PCED1B: variants seen among roughly 807,000 people sequenced by gnomAD.
PCED1B encodes PC-esterase domain containing 1B.
For missense variants in PCED1B, 573 were observed against 573.9 expected (o/e 1.00, Z 0.02); for synonymous variants, 251 against 246.1 (o/e 1.02, Z -0.19).
intron 2 of PCED1B, among the ~76,000 whole-genome samples, chr12:47,166,351 T>C (rs578250935): frequency 1.3e-5 from 2 of 152,216 alleles, no homozygotes; most frequent in Non-Finnish European, 2.9e-5. Flanking sequence ...CCCAGTAGCC[T>C]CTATATGGAT....
At chr12:47,153,730 C>A (rs1941089882) in intron 2 of PCED1B, among the ~76,000 whole-genome samples, 1 of 152,162 alleles carries the variant, frequency 6.6e-6, no homozygotes, top group Non-Finnish European at 1.5e-5. Context: ...CAGTTTTATT[C>A]TATTCTTTCC....
chr12:47,183,018 T>C (rs1453493307), intron 2 of PCED1B, among the ~76,000 whole-genome samples: 1 of 152,158 alleles, frequency 6.6e-6, no homozygotes, highest in African/African-American at 2.4e-5. Context: ...GTCTCTCTTT[T>C]TTTTTTTGGC....
At chr12:47,211,192 T>C (rs946451825) in intron 2 of PCED1B, among the ~76,000 whole-genome samples, 3 of 152,186 alleles carry the variant, frequency 2.0e-5, no homozygotes, top group African/African-American at 7.2e-5. Flanking sequence ...CCCTGCACTG[T>C]GAGCTACAGA....
intron 3 of PCED1B, among the ~76,000 whole-genome samples, chr12:47,232,903 AATTTT>A (rs1268847809): frequency 2.9e-5 from 4 of 138,576 alleles, no homozygotes. Context: ...CAGACCTAGA[AATTTT>A]ATTTATTTAT....
At chr12:47,175,686 G>T (rs1290623989) in intron 2 of PCED1B, among the ~76,000 whole-genome samples, 1 of 151,752 alleles carries the variant, frequency 6.6e-6, no homozygotes, top group Non-Finnish European at 1.5e-5. Flanking sequence ...CAATTCTCCT[G>T]CCTCAGCCTC....
At chr12:47,234,316 G>GT (rs1943904684) in intron 3 of PCED1B, among the ~76,000 whole-genome samples, 1 of 152,086 alleles carries the variant, frequency 6.6e-6, no homozygotes. Flanking sequence ...GCTAGCACAG[G>GT]TACTCTTTCT....
chr12:47,215,950 G>C (rs1943246324), intron 2 of PCED1B, among the ~76,000 whole-genome samples: 1 of 152,034 alleles, frequency 6.6e-6, no homozygotes, highest in Non-Finnish European at 1.5e-5. Flanking sequence ...GCTACTCGGA[G>C]CCTGAAGCAG....
At chr12:47,138,077 C>G (rs1244173830) in intron 2 of PCED1B, 1 of 152,164 alleles carries the variant, frequency 6.6e-6, no homozygotes, top group African/African-American at 2.4e-5. Context: ...AAAAAATTTT[C>G]TTAAAAAGAT....
At position 47,235,883 on chromosome 12, in the gene PCED1B, A is replaced by G. The variant is rs1169043795; in HGVS notation, c.820A>G (p.Arg274Gly). The G allele has an allele frequency of 3.8e-6, 6 of 1,591,342 alleles. No homozygotes were observed. The Admixed American group carries it at 1.1e-4, about 29-fold the overall frequency. Residue 274 changes from arginine to glycine, a missense_variant, in exon 4 of 4, where the codon AGA (arginine) becomes GGA (glycine). Arg to Gly is a moderately radical substitution (Grantham distance 125). Coordinates refer to ENST00000546455, the MANE Select transcript of PCED1B (RefSeq NM_138371.3). Reference protein sequence around the residue: ...EWIKKKKPGPRVEGPPQANRN... With the variant: ...EWIKKKKPGPGVEGPPQANRN... ...GATCAAGAAGAAAAAACCTGGCCCG[A>G]GAGTCGAAGGGCCGCCCCAGGCCAA...
At chr12:47,158,970 G>A (rs759790800) in intron 2 of PCED1B, among the ~76,000 whole-genome samples, 8 of 151,910 alleles carry the variant, frequency 5.3e-5, no homozygotes, top group Non-Finnish European at 1.0e-4. Flanking sequence ...AACTTTTTTA[G>A]CTCTCCCGTA....
intron 2 of PCED1B, among the ~76,000 whole-genome samples, chr12:47,140,456 T>C (rs1940551819): frequency 6.6e-6 from 1 of 152,204 alleles, no homozygotes; most frequent in Non-Finnish European, 1.5e-5. Context: ...GAAATACATA[T>C]ATCAAAGTGT....
intron 2 of PCED1B, among the ~76,000 whole-genome samples, chr12:47,162,208 A>C (rs1171201835): frequency 6.6e-6 from 1 of 152,074 alleles, no homozygotes; most frequent in African/African-American, 2.4e-5. Context: ...AGATGTATAC[A>C]TATGTAACAA....
chr12:47,179,566 C>A, intron 2 of PCED1B, among the ~76,000 whole-genome samples: 1 of 152,174 alleles, frequency 6.6e-6, no homozygotes, highest in East Asian at 1.9e-4. Context: ...AAAACAACTG[C>A]TCTGGTTTAA....
At chr12:47,089,045 C>A (rs1938123046) in intron 1 of PCED1B, among the ~76,000 whole-genome samples, 1 of 152,142 alleles carries the variant, frequency 6.6e-6, no homozygotes, top group Non-Finnish European at 1.5e-5. Flanking sequence ...GGTCTTCAGA[C>A]AGGGCCGTCT....
At chr12:47,104,512 C>T (rs1448992787) in intron 2 of PCED1B, among the ~76,000 whole-genome samples, 2 of 152,036 alleles carry the variant, frequency 1.3e-5, no homozygotes, top group African/African-American at 4.8e-5. Context: ...TCATTATCAC[C>T]CAGGCAAGTC....
intron 2 of PCED1B, among the ~76,000 whole-genome samples, chr12:47,126,339 T>A (rs1172709630): frequency 6.6e-6 from 1 of 152,162 alleles, no homozygotes; most frequent in Non-Finnish European, 1.5e-5. Context: ...AAAACTACCT[T>A]GTATTCCTGG....
At chr12:47,214,319 C>T (rs1244009272) in intron 2 of PCED1B, among the ~76,000 whole-genome samples, 1 of 152,086 alleles carries the variant, frequency 6.6e-6, no homozygotes, top group East Asian at 1.9e-4. Flanking sequence ...ACATTATAAT[C>T]CAGTTTACAT....
intron 2 of PCED1B, among the ~76,000 whole-genome samples, chr12:47,201,673 G>A (rs973183177): frequency 8.6e-5 from 13 of 150,952 alleles, no homozygotes; most frequent in Non-Finnish European, 1.3e-4. Flanking sequence ...ATCTTGGCTC[G>A]CTGCAGCCTC....
intron 2 of PCED1B, among the ~76,000 whole-genome samples, chr12:47,137,104 T>A (rs183527016): frequency 6.6e-6 from 1 of 152,376 alleles, no homozygotes; most frequent in East Asian, 1.9e-4. Flanking sequence ...GTAACATATC[T>A]GTAGACTACT....
Sources: gnomAD v4.1 joint callset for allele counts (sites outside exome capture counted in the v4.1 genomes callset) on GRCh38, gnomAD v4.1.1 for gene constraint, MANE v1.5 for transcripts, NCBI Gene and HGNC (gene_info 2026-07-23, HGNC 2026-07-21) for gene names.